ZSCAN25: variants seen among roughly 807,000 people sequenced by gnomAD.
The protein encoded by ZSCAN25 is zinc finger and SCAN domain containing 25.
Under a neutral mutation model 38.7 loss-of-function variants are expected in ZSCAN25, and 27 were observed. That is an observed-to-expected ratio of 0.70 (90% CI 0.51 to 0.96). The LOEUF is 0.96. ZSCAN25 is among the 40% of genes least tolerant of loss of function. ZSCAN25 has a pLI of 0.00. For missense variants in ZSCAN25, 637 were observed against 705.9 expected (o/e 0.90, Z 1.11); for synonymous variants, 273 against 277.7 (o/e 0.98, Z 0.17).
chr7:99,708,440 CCTT>C, the ZSCAN25 span, among the ~76,000 whole-genome samples: 6 of 152,158 alleles, frequency 3.9e-5, no homozygotes, highest in East Asian at 1.2e-3. Flanking sequence ...TAATTCTCCT[CCTT>C]CTCCTCCCTA....
chr7:99,710,604 C>T, the ZSCAN25 span: 1 of 1,513,336 alleles, frequency 6.6e-7, no homozygotes, highest in Admixed American at 2.1e-5. Context: ...TTTTGAGAGC[C>T]TTCCTACATA....
chr7:99,696,499 G>T, the ZSCAN25 span, among the ~76,000 whole-genome samples: 1 of 152,098 alleles, frequency 6.6e-6, no homozygotes. Context: ...CATTGGCCTC[G>T]TAGAAATGCA....
At chr7:99,627,350 A>G (rs1329474715) in intron 7 of ZSCAN25, among the ~76,000 whole-genome samples, 2 of 151,898 alleles carry the variant, frequency 1.3e-5, no homozygotes, top group Non-Finnish European at 2.9e-5. Flanking sequence ...TTTTAATCTT[A>G]CTATTCATAA....
At chr7:99,687,741 G>C in the ZSCAN25 span, among the ~76,000 whole-genome samples, 5 of 152,280 alleles carry the variant, frequency 3.3e-5, no homozygotes, top group South Asian at 1.0e-3. Context: ...AAGTTGAAAT[G>C]AAGGAAAAAA....
chr7:99,667,021 A>G, the ZSCAN25 span: 1 of 1,614,160 alleles, frequency 6.2e-7, no homozygotes, highest in East Asian at 2.2e-5. Flanking sequence ...CTTCATCCTC[A>G]GCTAAAGAGA....
rs377568906 is a variant in ZSCAN25 at position 99,629,329 on chromosome 7, G to A, written c.944G>A (p.Gly315Asp). 3 of 1,614,042 alleles carry A rather than the reference G, an allele frequency of 1.9e-6. No individual in the cohort carries two copies. The highest frequency in any genetic ancestry group is 2.5e-6 in the Non-Finnish European group (3 of 1,180,044). ...GLGRVCEQEP[G>D]GPAGSAPGLP... The stretch of plus-strand genomic sequence containing the variant: ...GGAAGGGTCTGTGAGCAGGAGCCTG[G>A]TGGCCCTGCAGGCAGTGCGCCTGGG... The change falls in exon 8 of 8, where the codon GGT becomes GAT. Residue 315 changes from glycine (G) to aspartate (D), a missense_variant. By Grantham distance (94) the Gly-to-Asp change is moderately conservative. Transcript: ENST00000394152. This position sits in a 1 kb window ranked among gnomAD's most constrained non-coding sequence, Gnocchi z 5.6.
chr7:99,694,542 G>T, the ZSCAN25 span, among the ~76,000 whole-genome samples: 1 of 152,040 alleles, frequency 6.6e-6, no homozygotes, highest in Non-Finnish European at 1.5e-5. Context: ...TTTCAGGGTT[G>T]ATGTTTTACC....
the ZSCAN25 span, among the ~76,000 whole-genome samples, chr7:99,685,716 G>A: frequency 2.0e-5 from 3 of 152,138 alleles, no homozygotes; most frequent in Non-Finnish European, 4.4e-5. Flanking sequence ...TTCTGACAAC[G>A]TCCACATTTG....
intron 6 of ZSCAN25, among the ~76,000 whole-genome samples, 171 bp downstream of exon 6, chr7:99,622,811 G>C (rs1026585542): frequency 6.6e-6 from 1 of 152,126 alleles, no homozygotes; most frequent in Admixed American, 6.5e-5. Flanking sequence ...ACCATCAGCC[G>C]CAGTTGTTAA....
the ZSCAN25 span, among the ~76,000 whole-genome samples, chr7:99,684,351 A>G: frequency 3.3e-5 from 5 of 152,052 alleles, no homozygotes; most frequent in Admixed American, 6.5e-5. Context: ...TATTTTTAGT[A>G]GAGATGGGGT....
chr7:99,737,474 G>A, the ZSCAN25 span, among the ~76,000 whole-genome samples: 1 of 151,996 alleles, frequency 6.6e-6, no homozygotes, highest in Non-Finnish European at 1.5e-5. Flanking sequence ...CATATCAATG[G>A]CATTGCTGGA....
chr7:99,656,509 C>G, the ZSCAN25 span, among the ~76,000 whole-genome samples: 1 of 152,116 alleles, frequency 6.6e-6, no homozygotes, highest in Non-Finnish European at 1.5e-5. Context: ...ATTTTTGTAT[C>G]ACTGTTCATC....
the ZSCAN25 span, among the ~76,000 whole-genome samples, chr7:99,711,888 C>T: frequency 6.6e-6 from 1 of 152,140 alleles, no homozygotes; most frequent in African/African-American, 2.4e-5. Context: ...GTGTGCATAG[C>T]CCAGGTTGAG....
At chr7:99,703,814 T>C in the ZSCAN25 span, among the ~76,000 whole-genome samples, 1 of 152,080 alleles carries the variant, frequency 6.6e-6, no homozygotes, top group Admixed American at 6.5e-5. Context: ...AGGCTCTGGC[T>C]GCTCTTGTAG....
At chr7:99,633,989 G>A (rs148340748), downstream of ZSCAN25, among the ~76,000 whole-genome samples, 243 of 152,322 alleles carry the variant, frequency 1.6e-3, no homozygotes, top group African/African-American at 5.5e-3. Context: ...GGTGTAAACC[G>A]GGACTCTCCA....
the ZSCAN25 span, among the ~76,000 whole-genome samples, chr7:99,667,896 A>T: frequency 6.6e-6 from 1 of 152,168 alleles, no homozygotes; most frequent in African/African-American, 2.4e-5. Context: ...AAAAATGCCC[A>T]CTCTCAACAT....
the ZSCAN25 span, chr7:99,660,782 C>T: frequency 3.4e-6 from 4 of 1,180,560 alleles, no homozygotes; most frequent in Admixed American, 2.3e-5. Context: ...TTCAAAGTCA[C>T]ACTGGGAGTG....
rs1807929802 is a variant in ZSCAN25, at chr7:99,630,696, T to C, written c.*676T>C. On this transcript the variant is annotated 3_prime_UTR_variant, in exon 8 of 8. Coordinates refer to ENST00000394152, the MANE Select transcript of ZSCAN25 (RefSeq NM_145115.3). ...CCAGGCAACTGTGTGAATTTTACAT[T>C]ATTTGGAGCCTCATCTGTGTCAGGC... 7.1e-6 allele frequency: 7 copies of C among 984,614 alleles called. No homozygotes were observed. The highest frequency in any genetic ancestry group is 8.4e-6 in the Non-Finnish European group (7 of 830,006). The allele number at this position is 984,614 out of a possible 1,614,324, so 61.0% of individuals were successfully genotyped here.
chr7:99,702,334 G>C, the ZSCAN25 span, among the ~76,000 whole-genome samples: 1 of 152,182 alleles, frequency 6.6e-6, no homozygotes, highest in South Asian at 2.1e-4. Flanking sequence ...CAAGTGATCT[G>C]TCTGCCTCAG....
Sources: gnomAD v4.1 joint callset for allele counts (sites outside exome capture counted in the v4.1 genomes callset) on GRCh38, gnomAD v4.1.1 for gene constraint, Gnocchi (gnomAD v3.1) non-coding constraint, MANE v1.5 for transcripts, NCBI Gene and HGNC (gene_info 2026-07-23, HGNC 2026-07-21) for gene names.